Variants in RAD51B observed in about 807,000 individuals in gnomAD.
RAD51B encodes RAD51 paralog B.
In RAD51B, 38 loss-of-function variants were observed where a neutral mutation model predicts 42.2. The ratio of observed to expected loss-of-function variants is 0.90; its 90% CI spans 0.70 to 1.18. RAD51B has a LOEUF of 1.18. RAD51B is among the 50% of genes most tolerant of loss of function. The pLI, the probability that RAD51B is intolerant of heterozygous loss-of-function variation, is 0.00. For missense variants in RAD51B, 373 were observed against 400.7 expected, an observed-to-expected ratio of 0.93 and a Z score of 0.59; for synonymous variants, 154 against 145.2, an observed-to-expected ratio of 1.06 and a Z score of -0.43.
chr14:68,377,679 C>G (rs1443193861), intron 8 of RAD51B, among the ~76,000 whole-genome samples: 2 of 152,216 alleles, frequency 1.3e-5, no homozygotes, highest in African/African-American at 4.8e-5. Context: ...AACTCTGCCA[C>G]AAACAGAGGA....
At chr14:68,583,065 G>A (rs1044650352) in intron 10 of RAD51B, among the ~76,000 whole-genome samples, 3 of 151,942 alleles carry the variant, frequency 2.0e-5, no homozygotes, top group East Asian at 1.9e-4. Context: ...CAGGTTGATG[G>A]GTGCAGCAAA....
rs191793783 is a variant in RAD51B at position 68,567,339 on chromosome 14, G to T, written c.1037-27146G>T. Among the ~76,000 whole-genome samples the T allele has an allele frequency of 1.2e-4, 19 of 152,182 alleles. No individual in the cohort carries two copies. The Middle Eastern group carries it at 0.01, about 82-fold the overall frequency. On this transcript the variant is annotated intron_variant, in intron 10 of 10. Coordinates refer to the RAD51B transcript ENST00000487270. ...AAATTCAACTTTATTTTTTAGAGTG[G>T]TTTTAGGTTCATAGCAAAATACAGC...
At chr14:67,820,151 C>T (rs548096832) in intron 1 of RAD51B, among the ~76,000 whole-genome samples, 1 of 152,266 alleles carries the variant, frequency 6.6e-6, no homozygotes, top group African/African-American at 2.4e-5. Context: ...CTCCCCAGCC[C>T]CTTCCCGCTT....
chr14:68,581,069 G>C lies in RAD51B; in HGVS notation c.1037-13416G>C, dbSNP rs946402321. Among the ~76,000 whole-genome samples the C allele has an allele frequency of 2.0e-5, 3 of 152,214 alleles. No homozygotes were observed. The East Asian group carries it at 5.8e-4, about 29-fold the overall frequency. On this transcript the variant is annotated intron_variant, in intron 10 of 10. Coordinates refer to the RAD51B transcript ENST00000487270. ...ATGTAGGATTTTTTTTTAGGAGAAG[G>C]GATAGATTACCTTTGACCAGGCTCT...
At chr14:68,219,555 A>G (rs1401071243) in intron 7 of RAD51B, among the ~76,000 whole-genome samples, 1 of 152,134 alleles carries the variant, frequency 6.6e-6, no homozygotes. Flanking sequence ...CCCAGAGCCC[A>G]AGAGCTCCAC....
At chr14:67,931,928 G>C (rs1157350646) in intron 7 of RAD51B, among the ~76,000 whole-genome samples, 1 of 152,008 alleles carries the variant, frequency 6.6e-6, no homozygotes, top group Non-Finnish European at 1.5e-5. Flanking sequence ...TGCACACCTG[G>C]TATAATAGTT....
intron 8 of RAD51B, among the ~76,000 whole-genome samples, chr14:68,332,568 T>C (rs1386082598): frequency 6.6e-6 from 1 of 152,202 alleles, no homozygotes; most frequent in East Asian, 1.9e-4. Context: ...GCCTACATGT[T>C]AAAAGATCTA....
At chr14:68,276,851 T>C (rs2081235005) in intron 7 of RAD51B, among the ~76,000 whole-genome samples, 1 of 151,584 alleles carries the variant, frequency 6.6e-6, no homozygotes. Context: ...TGTAGATTTA[T>C]GAGCAGTGGT....
chr14:67,990,786 G>A (rs1471542590), intron 7 of RAD51B, among the ~76,000 whole-genome samples: 1 of 152,178 alleles, frequency 6.6e-6, no homozygotes, highest in Admixed American at 6.5e-5. Context: ...ATACAAATAT[G>A]TATAGTTTGT....
intron 5 of RAD51B, among the ~76,000 whole-genome samples, chr14:67,872,861 G>T (rs2042589881): frequency 6.6e-6 from 1 of 152,056 alleles, no homozygotes; most frequent in Non-Finnish European, 1.5e-5. Flanking sequence ...TTTAATAAAT[G>T]GTGCTGGGAA....
At chr14:68,354,348 C>T (rs571826544) in intron 8 of RAD51B, among the ~76,000 whole-genome samples, 2 of 151,516 alleles carry the variant, frequency 1.3e-5, no homozygotes, top group East Asian at 2.0e-4. Flanking sequence ...TCCAGAGTAG[C>T]TGGGACTACA....
At chr14:67,951,301 GTAA>G (rs3837656) in intron 7 of RAD51B, among the ~76,000 whole-genome samples, 9,039 of 152,112 alleles carry the variant, frequency 0.059, 617 homozygotes, top group African/African-American at 0.17. Context: ...GCAATTGGGT[GTAA>G]TAATAATATC....
intron 9 of RAD51B, among the ~76,000 whole-genome samples, chr14:68,426,593 A>T (rs1305901124): frequency 1.3e-5 from 2 of 152,200 alleles, no homozygotes; most frequent in Admixed American, 1.3e-4. Context: ...GGCTTCTTTT[A>T]ACTGCATACA....
chr14:68,473,394 T>G (rs1177244451), intron 10 of RAD51B, among the ~76,000 whole-genome samples: 1 of 152,216 alleles, frequency 6.6e-6, no homozygotes, highest in Non-Finnish European at 1.5e-5. Context: ...TTGCTGCTTC[T>G]GCCTGCCTCT....
At chr14:68,408,246 A>G (rs145494017) in intron 8 of RAD51B, among the ~76,000 whole-genome samples, 122 of 152,330 alleles carry the variant, frequency 8.0e-4, no homozygotes, top group Non-Finnish European at 1.4e-3. Context: ...AATTTATTGC[A>G]AGTGAGAAGC....
exon 11 of RAD51B, chr14:68,594,512 C>A: frequency 7.3e-7 from 1 of 1,361,738 alleles, no homozygotes; most frequent in Non-Finnish European, 9.7e-7. Flanking sequence ...GTCACCCAAG[C>A]TGAACTGAAC....
rs1400247710 is a variant in RAD51B at position 67,831,841 on chromosome 14, G to C, written c.199-3239G>C. Among the ~76,000 whole-genome samples, 4 of 152,144 alleles carry C rather than the reference G, an allele frequency of 2.6e-5. No homozygotes were observed. In the East Asian group the frequency reaches 7.7e-4, roughly 29 times the overall value. ...TTACAGGCGTGAGCCACCACACCCA[G>C]CTGATTATTCTTTTTTTGACTTACC... On this transcript the variant is annotated intron_variant, in intron 3 of 10. Coordinates refer to ENST00000471583, the MANE Select transcript of RAD51B (RefSeq NM_133510.4).
chr14:68,645,504 G>A (rs564081561), intron 10 of RAD51B, among the ~76,000 whole-genome samples: 4 of 152,136 alleles, frequency 2.6e-5, no homozygotes, highest in Non-Finnish European at 5.9e-5. Context: ...GTTATTTTGG[G>A]TATGTACCCA....
intron 10 of RAD51B, among the ~76,000 whole-genome samples, chr14:68,528,393 T>G (rs1887071530): frequency 6.6e-6 from 1 of 152,250 alleles, no homozygotes; most frequent in African/African-American, 2.4e-5. Context: ...CCTTTATTAT[T>G]CAACCAACTT....
Sources: gnomAD v4.1 joint callset for allele counts (sites outside exome capture counted in the v4.1 genomes callset) on GRCh38, gnomAD v4.1.1 for gene constraint, MANE v1.5 for transcripts, NCBI Gene and HGNC (gene_info 2026-07-23, HGNC 2026-07-21) for gene names.